Variants in ADAMTS2 observed in about 807,000 individuals in gnomAD.
The protein encoded by ADAMTS2 is ADAM metallopeptidase with thrombospondin type 1 motif 2.
A neutral mutation model predicts 123.0 loss-of-function variants in ADAMTS2; 50 were observed. The observed-to-expected ratio is 0.41, with a 90% CI of 0.32 to 0.51. The LOEUF (loss-of-function observed/expected upper bound fraction) is 0.51, where lower values mean the gene tolerates loss of function less well. ADAMTS2 is among the 20% of genes least tolerant of loss of function. The pLI, the probability that ADAMTS2 is intolerant of heterozygous loss-of-function variation, is 0.35. For synonymous variants in ADAMTS2, 678 were observed against 695.4 expected (o/e 0.98, Z 0.39); for missense variants, 1,494 against 1,705.2 (o/e 0.88, Z 2.18).
intron 4 of ADAMTS2, among the ~76,000 whole-genome samples, chr5:179,199,630 G>A (rs894570363): frequency 2.0e-5 from 3 of 152,118 alleles, no homozygotes; most frequent in African/African-American, 4.8e-5. Context: ...TTCCTGCTGG[G>A]GGTGCACTCA....
chr5:179,202,252 G>A lies in ADAMTS2; in HGVS notation c.891+5261C>T, dbSNP rs1430512587. On this transcript the variant is annotated intron_variant, in intron 4 of 21. Transcript: ENST00000251582. This position sits in a 1 kb window ranked among gnomAD's most constrained non-coding sequence, Gnocchi z 4.0. ...CAGGCTGCCTCCATTCTTCCAGCCG[G>A]CCCCATTCCTGCCTCAGGGCCTTGG... Among the ~76,000 whole-genome samples the A allele has an allele frequency of 1.3e-5, 2 of 151,968 alleles. No homozygotes were observed. Among genetic ancestry groups the A allele is most frequent in the Non-Finnish European group, 2.9e-5 (2 of 67,992 alleles).
intron 3 of ADAMTS2, among the ~76,000 whole-genome samples, chr5:179,255,581 A>G (rs1766027611): frequency 1.3e-5 from 2 of 152,038 alleles, no homozygotes; most frequent in South Asian, 2.1e-4. Flanking sequence ...CTACAATTCA[A>G]TCTTGGGGTC....
chr5:179,287,190 A>C (rs1390942555), intron 2 of ADAMTS2, among the ~76,000 whole-genome samples: 1 of 152,112 alleles, frequency 6.6e-6, no homozygotes, highest in East Asian at 1.9e-4. Flanking sequence ...GGTCAATGCC[A>C]GGATCACTCC....
chr5:179,269,296 G>A lies in ADAMTS2; in HGVS notation c.688+3615C>T, dbSNP rs796978067. ...TTCTGGCCCACAGAGCTGTGAGAGA[G>A]GCATTTGTATTAGTCCGTTTTCACA... On this transcript the variant is annotated intron_variant, in intron 3 of 21. Coordinates refer to ENST00000251582, the MANE Select transcript of ADAMTS2 (RefSeq NM_014244.5). 2.0e-5 allele frequency among the ~76,000 whole-genome samples: 3 copies of A among 152,170 alleles called. No individual in the cohort carries two copies. In the East Asian group the frequency reaches 5.8e-4, roughly 29 times the overall value.
chr5:179,233,497 C>T (rs1407345654), intron 3 of ADAMTS2, among the ~76,000 whole-genome samples: 1 of 152,186 alleles, frequency 6.6e-6, no homozygotes, highest in African/African-American at 2.4e-5. Context: ...ACCAGCCTGG[C>T]CAACATGGCA....
intron 3 of ADAMTS2, among the ~76,000 whole-genome samples, chr5:179,208,804 C>T (rs139127004): frequency 0.011 from 1,745 of 152,292 alleles, 17 homozygotes; most frequent in Middle Eastern, 0.024. Flanking sequence ...GGTCCCAGCC[C>T]CAGGGTCTCC....
intron 3 of ADAMTS2, among the ~76,000 whole-genome samples, chr5:179,265,674 T>C (rs1206738464): frequency 6.6e-6 from 1 of 152,156 alleles, no homozygotes; most frequent in Non-Finnish European, 1.5e-5. Flanking sequence ...ATGTGCAGCC[T>C]CGGCTTTCCC....
intron 21 of ADAMTS2, among the ~76,000 whole-genome samples, chr5:179,116,405 C>T (rs1762661103): frequency 6.6e-6 from 1 of 152,168 alleles, no homozygotes. Context: ...CTCCTGCCTC[C>T]AGCTACCACC....
intron 3 of ADAMTS2, among the ~76,000 whole-genome samples, chr5:179,209,235 T>C (rs769593577): frequency 3.5e-4 from 54 of 152,180 alleles, no homozygotes; most frequent in Admixed American, 7.2e-4. Flanking sequence ...GGGAGACCCA[T>C]GGCATCCCAG....
At chr5:179,274,265 T>G (rs1435512007) in intron 2 of ADAMTS2, among the ~76,000 whole-genome samples, 2 of 152,254 alleles carry the variant, frequency 1.3e-5, no homozygotes, top group Non-Finnish European at 2.9e-5. Flanking sequence ...GTGCACACTG[T>G]GTCCAGCCTT....
chr5:179,340,723 G>A (rs1451289277), intron 2 of ADAMTS2, among the ~76,000 whole-genome samples: 3 of 152,112 alleles, frequency 2.0e-5, no homozygotes, highest in African/African-American at 2.4e-5. Context: ...TAAACAAGGC[G>A]AGGTGGCACA....
Position 179,302,328 on chromosome 5 carries a change from T to TG in ADAMTS2, c.535-29265dup, listed in dbSNP as rs905835725. ...AATATAAAACATTAGCCGGGCGTGG[T>TG]GGGGGGCGCCTGTAGTCCCAGCTGC... On this transcript the variant is annotated intron_variant, in intron 2 of 21. Coordinates refer to ENST00000251582, the MANE Select transcript of ADAMTS2 (RefSeq NM_014244.5). 5.1e-5 allele frequency among the ~76,000 whole-genome samples: 5 copies of TG among 97,702 alleles called. No homozygotes were observed. The South Asian group carries it at 2.0e-3, about 39-fold the overall frequency. The allele number at this position is 97,702 out of a possible 152,430, so 64.1% of individuals were successfully genotyped here.
chr5:179,176,849 C>T (rs1763942253), intron 5 of ADAMTS2, among the ~76,000 whole-genome samples: 2 of 152,212 alleles, frequency 1.3e-5, no homozygotes, highest in Non-Finnish European at 2.9e-5. Flanking sequence ...GTCTGCTGTT[C>T]CTGTCCCTGT....
chr5:179,283,699 C>T (rs1755903122), intron 2 of ADAMTS2, among the ~76,000 whole-genome samples: 2 of 151,808 alleles, frequency 1.3e-5, no homozygotes, highest in South Asian at 2.1e-4. Flanking sequence ...TGAGACCAGG[C>T]TGGCCAACAT....
In ADAMTS2 at chr5:179,147,835, G is replaced by A. The variant is rs1763279857; in HGVS notation, c.1629+4307C>T. On this transcript the variant is annotated intron_variant, in intron 10 of 21. Coordinates refer to ENST00000251582, the MANE Select transcript of ADAMTS2 (RefSeq NM_014244.5). ...AAGTGTATCAGTGGCACCCACGGGAGGAGAATTGTATCAATGAGAAGCAGG... is the reference window on the plus strand; with the variant it reads ...AAGTGTATCAGTGGCACCCACGGGAAGAGAATTGTATCAATGAGAAGCAGG... Among the ~76,000 whole-genome samples the A allele has an allele frequency of 2.6e-5, 4 of 152,328 alleles. No homozygotes were observed. The South Asian group carries it at 6.2e-4, about 24-fold the overall frequency.
At chr5:179,280,617 T>C (rs1766869647) in intron 2 of ADAMTS2, among the ~76,000 whole-genome samples, 1 of 152,158 alleles carries the variant, frequency 6.6e-6, no homozygotes, top group Admixed American at 6.5e-5. Context: ...ACGCAAGGCC[T>C]TCCATGGGGT....
At chr5:179,236,521 C>T (rs529261810) in intron 3 of ADAMTS2, among the ~76,000 whole-genome samples, 17 of 152,254 alleles carry the variant, frequency 1.1e-4, no homozygotes, top group South Asian at 2.1e-4. Context: ...TTCTTTGCTG[C>T]GGCTCATGCC....
rs1179641951 is a variant in ADAMTS2, at chr5:179,312,441, G to A, written c.534+31326C>T. 1.3e-5 allele frequency among the ~76,000 whole-genome samples: 2 copies of A among 152,184 alleles called. No homozygotes were observed. The highest frequency in any genetic ancestry group is 4.8e-5 in the African/African-American group (2 of 41,432). ...CCTCACCCTTTCAGCATGTGAGGAT[G>A]CAACAAGATGCCTTCTTGAACCAGG... On this transcript the variant is annotated intron_variant, in intron 2 of 21. Coordinates refer to ENST00000251582, the MANE Select transcript of ADAMTS2 (RefSeq NM_014244.5). The surrounding 1 kb of genome is among the most constrained non-coding windows in gnomAD (Gnocchi z 4.2).
At chr5:179,174,780 G>A (rs560608622) in intron 5 of ADAMTS2, among the ~76,000 whole-genome samples, 7 of 151,156 alleles carry the variant, frequency 4.6e-5, no homozygotes, top group South Asian at 2.1e-4. Flanking sequence ...ATTCTTGACC[G>A]TTCATGTTCC....
Sources: allele counts gnomAD v4.1 joint callset (sites outside exome capture counted in the v4.1 genomes callset), GRCh38; gene constraint gnomAD v4.1.1; non-coding constraint Gnocchi (gnomAD v3.1); transcripts MANE v1.5; gene names NCBI Gene and HGNC (gene_info 2026-07-23, HGNC 2026-07-21).